The following SH3RF1 variants were observed in gnomAD, a reference collection of about 807,000 sequenced individuals.
SH3RF1 encodes the protein SH3 domain containing ring finger 1, also known as E3 ubiquitin-protein ligase SH3RF1.
SH3RF1 carries 32 observed loss-of-function variants against 74.0 expected under a neutral mutation model. The ratio of observed to expected loss-of-function variants is 0.43; its 90% CI spans 0.33 to 0.58. The LOEUF (loss-of-function observed/expected upper bound fraction) is 0.58, where lower values mean the gene tolerates loss of function less well. Ranked by LOEUF, SH3RF1 falls within the 20% of genes least tolerant of loss-of-function variation. The pLI is 0.05. For synonymous variants in SH3RF1, 396 were observed against 439.6 expected (o/e 0.90, Z 1.24); for missense variants, 954 against 1,130.9 (o/e 0.84, Z 2.24).
In SH3RF1 at chr4:169,210,223, C is replaced by T. The variant is rs937709430; in HGVS notation, c.394-53544G>A. On this transcript the variant is annotated intron_variant, in intron 2 of 11. Transcript: ENST00000284637. ...TTCTGCTATTTTACCCTTCTCTCCT[C>T]TTGCCCTTCCCTCCTACTCTCCTTT... Among the ~76,000 whole-genome samples the T allele has an allele frequency of 2.6e-5, 4 of 152,328 alleles. No individual in the cohort carries two copies. The South Asian group carries it at 8.3e-4, about 32-fold the overall frequency.
intron 2 of SH3RF1, among the ~76,000 whole-genome samples, chr4:169,162,649 G>T (rs1260339502): frequency 6.6e-6 from 1 of 152,176 alleles, no homozygotes; most frequent in Non-Finnish European, 1.5e-5. Flanking sequence ...CAAATAAACA[G>T]AAATTAAGAC....
At position 169,268,906 on chromosome 4, in the gene SH3RF1, T is replaced by A. The variant is rs1710324299; in HGVS notation, c.307A>T (p.Thr103Ser). 1 of 1,613,838 alleles carries A rather than the reference T, an allele frequency of 6.2e-7. No homozygotes were observed. Among genetic ancestry groups the A allele is most frequent in the Non-Finnish European group, 8.5e-7 (1 of 1,180,022 alleles). The change falls in exon 2 of 12, where the codon ACT (threonine) becomes TCT (serine). Residue 103 changes from threonine to serine, a missense_variant. Thr to Ser is a moderately conservative substitution (Grantham distance 58, BLOSUM62 1). Transcript: ENST00000284637. ...CTNALRSQSS[T>S]VANCSSKDLQ... is the part of the protein sequence containing the mutation. ...TCTTTTGAGCTACAATTAGCCACAGTGCTGCTCTGAGACCTTAATGCATTT... is the reference window on the plus strand; with the variant it reads ...TCTTTTGAGCTACAATTAGCCACAGAGCTGCTCTGAGACCTTAATGCATTT...
intron 2 of SH3RF1, among the ~76,000 whole-genome samples, chr4:169,241,861 C>A (rs1166414921): frequency 1.3e-5 from 2 of 152,112 alleles, no homozygotes; most frequent in African/African-American, 2.4e-5. Context: ...TCTTCTCTGG[C>A]CCTTATGGCT....
chr4:169,233,554 C>A (rs1030595926), intron 2 of SH3RF1, among the ~76,000 whole-genome samples: 1 of 152,122 alleles, frequency 6.6e-6, no homozygotes, highest in African/African-American at 2.4e-5. Context: ...TTACACTTTA[C>A]TTCATTTAAC....
chr4:169,207,913 G>A (rs1156324630), intron 2 of SH3RF1, among the ~76,000 whole-genome samples: 1 of 152,086 alleles, frequency 6.6e-6, no homozygotes, highest in East Asian at 1.9e-4. Context: ...CAGGCCTAAT[G>A]ACACCATGGG....
chr4:169,169,568 G>A (rs1200139463), intron 2 of SH3RF1, among the ~76,000 whole-genome samples: 3 of 151,998 alleles, frequency 2.0e-5, no homozygotes, highest in Admixed American at 2.0e-4. Context: ...CTGCACTCCA[G>A]CCTGGGCAAC....
At chr4:169,229,658 A>C (rs577622085) in intron 2 of SH3RF1, among the ~76,000 whole-genome samples, 14 of 152,330 alleles carry the variant, frequency 9.2e-5, no homozygotes, top group African/African-American at 3.4e-4. Flanking sequence ...GAAAGTGAGA[A>C]GTGAATACTA....
intron 2 of SH3RF1, among the ~76,000 whole-genome samples, chr4:169,215,203 G>A (rs1730443389): frequency 6.6e-6 from 1 of 152,064 alleles, no homozygotes; most frequent in Non-Finnish European, 1.5e-5. Context: ...TGCATCTACT[G>A]GTATGACCAT....
chr4:169,234,068 T>G (rs1464522588), intron 2 of SH3RF1, among the ~76,000 whole-genome samples: 1 of 152,122 alleles, frequency 6.6e-6, no homozygotes, highest in Non-Finnish European at 1.5e-5. Flanking sequence ...CAGTCTCTGT[T>G]TAGACCACCG....
Position 169,148,170 on chromosome 4 carries a change from AT to A in SH3RF1, c.765+7309del, listed in dbSNP as rs147466303. On this transcript the variant is annotated intron_variant, in intron 4 of 11. Coordinates refer to ENST00000284637, the MANE Select transcript of SH3RF1 (RefSeq NM_020870.4). ...ACTTTTTAAGCAAAGTTGGATAATA[AT>A]AGTGATTCTGCCCAACCATTAGGAA... is the stretch of plus-strand genomic sequence containing the variant. Among the ~76,000 whole-genome samples the A allele has an allele frequency of 1.3e-3, 196 of 152,306 alleles. 2 individuals are homozygous for A. The South Asian group carries it at 0.024, about 19-fold the overall frequency.
chr4:169,204,151 C>G (rs1730179949), intron 2 of SH3RF1: 1 of 152,098 alleles, frequency 6.6e-6, no homozygotes, highest in South Asian at 2.1e-4. Context: ...ATGAGGTAAA[C>G]CAAAACAAAC....
intron 2 of SH3RF1, among the ~76,000 whole-genome samples, chr4:169,192,940 A>G (rs929212013): frequency 4.7e-5 from 7 of 148,818 alleles, no homozygotes; most frequent in Admixed American, 3.3e-4. Context: ...TATATGATGG[A>G]ATACTACTCA....
chr4:169,214,474 T>C (rs1375767080), intron 2 of SH3RF1, among the ~76,000 whole-genome samples: 1 of 152,170 alleles, frequency 6.6e-6, no homozygotes, highest in Non-Finnish European at 1.5e-5. Context: ...AACAACTTGT[T>C]TGGATTTTGA....
intron 2 of SH3RF1, among the ~76,000 whole-genome samples, chr4:169,250,623 C>G (rs1248883877): frequency 6.6e-6 from 1 of 152,136 alleles, no homozygotes; most frequent in Admixed American, 6.5e-5. Flanking sequence ...GCTGGGGATA[C>G]AGACAGGAAT....
At chr4:169,172,515 C>A (rs959167001) in intron 2 of SH3RF1, among the ~76,000 whole-genome samples, 1 of 152,080 alleles carries the variant, frequency 6.6e-6, no homozygotes, top group Non-Finnish European at 1.5e-5. Flanking sequence ...TTCAGTTGTA[C>A]AAAATATAGT....
intron 2 of SH3RF1, among the ~76,000 whole-genome samples, chr4:169,198,124 T>A (rs1356257937): frequency 6.6e-6 from 1 of 152,204 alleles, no homozygotes; most frequent in Admixed American, 6.5e-5. Context: ...TATTTGTGAG[T>A]TGGAGAAAAA....
chr4:169,229,943 T>C (rs1213140158), intron 2 of SH3RF1, among the ~76,000 whole-genome samples: 5 of 148,318 alleles, frequency 3.4e-5, no homozygotes, highest in Non-Finnish European at 6.0e-5. Context: ...AGGTGGCTCA[T>C]GCCTGTAATC....
intron 2 of SH3RF1, among the ~76,000 whole-genome samples, chr4:169,157,680 C>T (rs1426999972): frequency 6.6e-6 from 1 of 152,034 alleles, no homozygotes; most frequent in Non-Finnish European, 1.5e-5. Context: ...AGGGCTCCTG[C>T]TTTTGGAGTC....
At chr4:169,163,435 G>A (rs1734184229) in intron 2 of SH3RF1, among the ~76,000 whole-genome samples, 1 of 152,166 alleles carries the variant, frequency 6.6e-6, no homozygotes, top group South Asian at 2.1e-4. Context: ...AAAAGGCAAT[G>A]TTGCAGGAAA....
Sources: gnomAD v4.1 joint callset for allele counts (sites outside exome capture counted in the v4.1 genomes callset) on GRCh38, gnomAD v4.1.1 for gene constraint, MANE v1.5 for transcripts, NCBI Gene and HGNC (gene_info 2026-07-23, HGNC 2026-07-21) for gene names.